Variants in ABCA13 observed in about 807,000 individuals in gnomAD.
ABCA13 encodes the protein ATP-binding cassette sub-family A member 13.
Under a neutral mutation model 478.7 loss-of-function variants are expected in ABCA13, and 476 were observed. The observed-to-expected ratio is 0.99, with a 90% CI of 0.92 to 1.07. The LOEUF is 1.07. Ranked by LOEUF, ABCA13 falls within the 50% of genes least tolerant of loss-of-function variation. The pLI, the probability that ABCA13 is intolerant of heterozygous loss-of-function variation, is 0.00. For synonymous variants in ABCA13, 2,252 were observed against 2,158.9 expected, an observed-to-expected ratio of 1.04 and a Z score of -1.20; for missense variants, 6,060 against 5,910.6, an observed-to-expected ratio of 1.03 and a Z score of -0.83.
Position 48,647,495 on chromosome 7 carries a change from C to T in ABCA13, c.*1983C>T, listed in dbSNP as rs1586086722. The T allele has an allele frequency of 6.6e-6, 1 of 152,030 alleles. No homozygotes were observed. Among genetic ancestry groups the T allele is most frequent in the African/African-American group, 2.4e-5 (1 of 41,376 alleles). The allele number at this position is 152,030 out of a possible 1,614,324, so 9.4% of individuals were successfully genotyped here. A position where few individuals can be genotyped will look rare whatever the true frequency, so the allele number is the denominator to read the frequency against. ...AAATGAGATGTGCTTTAATTTAACC[C>T]GATTTTTGGAATGTAATTGTGCTTT... is the stretch of plus-strand genomic sequence containing the variant. On this transcript the variant is annotated 3_prime_UTR_variant, in exon 62 of 62. Transcript: ENST00000435803.
At chr7:48,172,623 G>A (rs1221294279) in intron 1 of ABCA13, among the ~76,000 whole-genome samples, 20 of 151,134 alleles carry the variant, frequency 1.3e-4, no homozygotes, top group African/African-American at 4.6e-4. Context: ...GTGAAACCCC[G>A]TCTCTACTAA....
chr7:48,193,604 T>A (rs1484932072), intron 2 of ABCA13, among the ~76,000 whole-genome samples: 3 of 151,764 alleles, frequency 2.0e-5, no homozygotes, highest in Admixed American at 2.0e-4. Flanking sequence ...ATGATGATGA[T>A]GAAGATGATG....
Position 48,272,726 on chromosome 7 carries a change from T to C in ABCA13, c.3060T>C (p.Val1020=). Residue 1020 remains valine, a synonymous_variant, in exon 17 of 62, where the codon GTT becomes GTC. Coordinates refer to ENST00000435803, the MANE Select transcript of ABCA13 (RefSeq NM_152701.5). The part of the protein sequence containing the change: ...AFAFLFKTAE[V]LGGISNVSYC... ...CATTTTTATTTAAGACAGCAGAGGTTCTTGGGGGAATTTCTAATGTATCTT... is the reference window on the plus strand; with the variant it reads ...CATTTTTATTTAAGACAGCAGAGGTCCTTGGGGGAATTTCTAATGTATCTT... 6.2e-7 allele frequency: 1 copy of C among 1,610,890 alleles called. No individual in the cohort carries two copies. Among genetic ancestry groups the C allele is most frequent in the Non-Finnish European group, 8.5e-7 (1 of 1,178,080 alleles).
intron 59 of ABCA13, among the ~76,000 whole-genome samples, chr7:48,625,176 G>A (rs898783802): frequency 6.6e-6 from 1 of 152,144 alleles, no homozygotes; most frequent in African/African-American, 2.4e-5. Context: ...GCAAATTAAT[G>A]TATCACCTTA....
intron 43 of ABCA13, among the ~76,000 whole-genome samples, chr7:48,465,951 A>G (rs1826832364): frequency 1.3e-5 from 2 of 152,156 alleles, no homozygotes; most frequent in African/African-American, 4.8e-5. Flanking sequence ...CTTTCCAAAA[A>G]GAATTGAGGT....
intron 47 of ABCA13, among the ~76,000 whole-genome samples, chr7:48,488,098 G>A (rs1829508071): frequency 1.3e-5 from 2 of 152,058 alleles, no homozygotes; most frequent in South Asian, 4.2e-4. Flanking sequence ...AAAAATGATT[G>A]GCAAGGATTT....
chr7:48,334,888 G>A (rs908696918), intron 27 of ABCA13, among the ~76,000 whole-genome samples: 3 of 152,150 alleles, frequency 2.0e-5, no homozygotes, highest in African/African-American at 7.2e-5. Context: ...TATTTCCTTA[G>A]GATAGAGTCC....
At chr7:48,268,959 A>G (rs779357219) in intron 15 of ABCA13, 21 bp from the exon 16 acceptor site, 7 of 1,335,256 alleles carry the variant, frequency 5.2e-6, no homozygotes, top group Non-Finnish European at 7.4e-6. Flanking sequence ...TAATTAATGT[A>G]GAAAATGTCT....
At chr7:48,180,439 A>G (rs1795515834) in intron 1 of ABCA13, among the ~76,000 whole-genome samples, 1 of 151,876 alleles carries the variant, frequency 6.6e-6, no homozygotes. Flanking sequence ...GTTTTTTTTG[A>G]GATGGAGTTT....
At chr7:48,449,439 G>A (rs1433497) in intron 42 of ABCA13, among the ~76,000 whole-genome samples, 45,254 of 151,954 alleles carry the variant, frequency 0.3, 6,818 homozygotes, top group East Asian at 0.38. Context: ...ATATCATACA[G>A]CTTTATATAT....
chr7:48,290,940 G>GAA (rs57470116), intron 20 of ABCA13, among the ~76,000 whole-genome samples: 11 of 48,816 alleles, frequency 2.3e-4, no homozygotes, highest in Admixed American at 8.6e-4. Context: ...CACACTCAGG[G>GAA]AAAAAAAAAA....
At chr7:48,602,407 G>A (rs1399048279) in intron 58 of ABCA13, among the ~76,000 whole-genome samples, 1 of 152,162 alleles carries the variant, frequency 6.6e-6, no homozygotes, top group Non-Finnish European at 1.5e-5. Context: ...CCTATAAGGT[G>A]TAAGGAAGTG....
At chr7:48,280,217 G>A (rs1340104511) in intron 18 of ABCA13, among the ~76,000 whole-genome samples, 1 of 152,150 alleles carries the variant, frequency 6.6e-6, no homozygotes, top group Non-Finnish European at 1.5e-5. Context: ...AAGACTAGTT[G>A]CATAAACAAT....
intron 32 of ABCA13, among the ~76,000 whole-genome samples, chr7:48,371,064 G>T (rs1211211252): frequency 2.0e-5 from 3 of 152,052 alleles, no homozygotes; most frequent in Non-Finnish European, 4.4e-5. Flanking sequence ...ATTTTTGTCA[G>T]GTTTGTCGAA....
At chr7:48,630,031 TC>T (rs1247406997) in intron 59 of ABCA13, among the ~76,000 whole-genome samples, 2 of 152,202 alleles carry the variant, frequency 1.3e-5, no homozygotes, top group African/African-American at 4.8e-5. Context: ...GTTCTACTTT[TC>T]CTTTTAGGAG....
intron 55 of ABCA13, among the ~76,000 whole-genome samples, chr7:48,578,022 A>T (rs959129808): frequency 6.6e-6 from 1 of 152,270 alleles, no homozygotes; most frequent in Admixed American, 6.5e-5. Flanking sequence ...ACAAAAGCCA[A>T]CACTTATTCA....
intron 60 of ABCA13, among the ~76,000 whole-genome samples, chr7:48,644,309 C>T (rs536504576): frequency 3.5e-4 from 53 of 152,170 alleles, no homozygotes; most frequent in Non-Finnish European, 6.9e-4. Flanking sequence ...CTCTGTTAGG[C>T]CATGTTAAAT....
intron 37 of ABCA13, among the ~76,000 whole-genome samples, chr7:48,391,499 C>G (rs1171790427): frequency 6.6e-6 from 1 of 152,140 alleles, no homozygotes; most frequent in East Asian, 1.9e-4. Context: ...TATTCAACAC[C>G]TTATTATAAA....
intron 41 of ABCA13, among the ~76,000 whole-genome samples, chr7:48,423,403 A>G (rs954242068): frequency 6.6e-6 from 1 of 152,206 alleles, no homozygotes; most frequent in Non-Finnish European, 1.5e-5. Context: ...TTTCTCTAGC[A>G]TCTAAGCAAA....
Sources: gnomAD v4.1 joint callset for allele counts (sites outside exome capture counted in the v4.1 genomes callset) on GRCh38, gnomAD v4.1.1 for gene constraint, MANE v1.5 for transcripts, NCBI Gene and HGNC (gene_info 2026-07-23, HGNC 2026-07-21) for gene names.